Variants in EPHB1 observed in about 807,000 individuals in gnomAD.
EPHB1 encodes EPH receptor B1, also known as ephrin type-B receptor 1.
In EPHB1, 30 loss-of-function variants were observed where a neutral mutation model predicts 94.4. That is an observed-to-expected ratio of 0.32 (90% CI 0.24 to 0.43). The LOEUF (loss-of-function observed/expected upper bound fraction) is 0.43. Among genes scored for constraint, EPHB1 ranks in the 20% least tolerant of loss-of-function variants. EPHB1 has a pLI of 1.00. For missense variants in EPHB1, 1,055 were observed against 1,308.3 expected, an observed-to-expected ratio of 0.81 and a Z score of 2.99; for synonymous variants, 522 against 489.1, an observed-to-expected ratio of 1.07 and a Z score of -0.89.
intron 12 of EPHB1, among the ~76,000 whole-genome samples, chr3:135,217,467 C>CAT (rs893564865): frequency 2.7e-5 from 3 of 110,144 alleles, no homozygotes; most frequent in Non-Finnish European, 5.8e-5. Flanking sequence ...CACACACACA[C>CAT]GCACACGGGG....
rs554771678 is a variant in EPHB1, at chr3:135,223,979, C to T, written c.2347-17169C>T. Reference sequence around the variant, plus strand: ...TGCCATATAATGATGTTTTGGTCAGCGACAAATCACATATACAATGCTGCT... The same window carrying T: ...TGCCATATAATGATGTTTTGGTCAGTGACAAATCACATATACAATGCTGCT... On this transcript the variant is annotated intron_variant, in intron 12 of 15. Transcript: ENST00000398015. Among the ~76,000 whole-genome samples, 35 of 152,206 alleles carry T rather than the reference C, an allele frequency of 2.3e-4. 1 individual carries two copies. In the South Asian group the frequency reaches 5.6e-3, roughly 24 times the overall value.
At chr3:135,146,818 A>T (rs1258181890) in intron 5 of EPHB1, among the ~76,000 whole-genome samples, 1 of 152,222 alleles carries the variant, frequency 6.6e-6, no homozygotes, top group African/African-American at 2.4e-5. Context: ...TACCTTGGGG[A>T]ATGATGCCCA....
At chr3:135,244,955 C>T (rs186844561) in intron 13 of EPHB1, among the ~76,000 whole-genome samples, 1 of 152,244 alleles carries the variant, frequency 6.6e-6, no homozygotes, top group Admixed American at 6.5e-5. Flanking sequence ...GTAATAACAA[C>T]AAAATTATTT....
At chr3:134,817,883 G>A (rs909646079) in intron 1 of EPHB1, among the ~76,000 whole-genome samples, 1 of 152,224 alleles carries the variant, frequency 6.6e-6, no homozygotes, top group Non-Finnish European at 1.5e-5. Flanking sequence ...CTGCCCAGAG[G>A]GGGAAAGCGC....
chr3:135,141,517 G>A (rs1309261507), intron 5 of EPHB1, among the ~76,000 whole-genome samples: 17 of 152,044 alleles, frequency 1.1e-4, no homozygotes, highest in Admixed American at 1.1e-3. Flanking sequence ...CCAGCGGGCT[G>A]GTCTTTGTTT....
chr3:134,943,535 G>A (rs2039161207), intron 2 of EPHB1, among the ~76,000 whole-genome samples: 1 of 152,138 alleles, frequency 6.6e-6, no homozygotes, highest in African/African-American at 2.4e-5. Context: ...AACTTGGGGA[G>A]CATTTTTGGC....
intron 1 of EPHB1, among the ~76,000 whole-genome samples, chr3:134,875,257 T>G (rs1004489672): frequency 1.3e-5 from 2 of 152,204 alleles, no homozygotes; most frequent in Non-Finnish European, 2.9e-5. Flanking sequence ...GATCTCTTTC[T>G]ATTTGAATCA....
intron 3 of EPHB1, among the ~76,000 whole-genome samples, chr3:134,975,879 G>A (rs1347852232): frequency 6.6e-6 from 1 of 151,944 alleles, no homozygotes; most frequent in East Asian, 1.9e-4. Context: ...CTGGAGATGA[G>A]GCCAGACATA....
intron 1 of EPHB1, among the ~76,000 whole-genome samples, chr3:134,821,350 C>T (rs924540050): frequency 4.6e-5 from 7 of 151,210 alleles, no homozygotes; most frequent in Admixed American, 4.0e-4. Context: ...GTCATGTTGA[C>T]ACATAAAGTT....
intron 4 of EPHB1, among the ~76,000 whole-genome samples, chr3:135,124,300 A>T (rs1195736337): frequency 6.6e-6 from 1 of 151,612 alleles, no homozygotes; most frequent in Non-Finnish European, 1.5e-5. Flanking sequence ...CCACACCAGC[A>T]TGCTGTCTCC....
At chr3:135,113,725 A>G (rs563625028) in intron 4 of EPHB1, among the ~76,000 whole-genome samples, 22 of 152,302 alleles carry the variant, frequency 1.4e-4, no homozygotes, top group African/African-American at 5.3e-4. Flanking sequence ...CAGGCCAGTG[A>G]TTTTAATGCT....
chr3:135,150,699 C>T (rs1290846830), intron 5 of EPHB1, among the ~76,000 whole-genome samples: 1 of 152,154 alleles, frequency 6.6e-6, no homozygotes, highest in Non-Finnish European at 1.5e-5. Flanking sequence ...TTCTCCTCAT[C>T]TTCTGAATCT....
chr3:135,231,871 A>T (rs962044893), intron 12 of EPHB1, among the ~76,000 whole-genome samples: 1 of 152,162 alleles, frequency 6.6e-6, no homozygotes, highest in Non-Finnish European at 1.5e-5. Flanking sequence ...TCAAGTTTTC[A>T]TTCTCTGTAT....
intron 6 of EPHB1, among the ~76,000 whole-genome samples, chr3:135,157,724 T>G (rs1274519934): frequency 2.0e-5 from 3 of 152,256 alleles, no homozygotes; most frequent in Admixed American, 6.5e-5. Flanking sequence ...TTGCTTTGAC[T>G]ATTCCTAAGA....
intron 3 of EPHB1, among the ~76,000 whole-genome samples, chr3:135,020,916 T>C (rs1020425592): frequency 2.6e-5 from 4 of 152,296 alleles, no homozygotes; most frequent in Middle Eastern, 3.4e-3. Flanking sequence ...AATTTTTTTT[T>C]CCCAATAGTC....
At chr3:135,123,560 T>G (rs2107683967) in intron 4 of EPHB1, among the ~76,000 whole-genome samples, 1 of 152,132 alleles carries the variant, frequency 6.6e-6, no homozygotes, top group African/African-American at 2.4e-5. Context: ...CAGGGAGCCC[T>G]TTTGGTCACC....
intron 2 of EPHB1, among the ~76,000 whole-genome samples, chr3:134,944,299 C>T (rs1182042075): frequency 1.3e-5 from 2 of 152,092 alleles, no homozygotes; most frequent in African/African-American, 4.8e-5. Context: ...ACTAGTACTT[C>T]ATTCTTTTTT....
intron 1 of EPHB1, among the ~76,000 whole-genome samples, chr3:134,907,815 G>A (rs1307604696): frequency 6.6e-6 from 1 of 152,202 alleles, no homozygotes; most frequent in East Asian, 1.9e-4. Context: ...GTCATTGACT[G>A]ATTGCATTTC....
intron 10 of EPHB1, among the ~76,000 whole-genome samples, chr3:135,183,762 G>A (rs1319584049): frequency 1.3e-5 from 2 of 152,180 alleles, no homozygotes; most frequent in African/African-American, 4.8e-5. Flanking sequence ...GAGAACAAGG[G>A]GAAAGAAAGT....
Sources: allele counts gnomAD v4.1 joint callset (sites outside exome capture counted in the v4.1 genomes callset), GRCh38; gene constraint gnomAD v4.1.1; transcripts MANE v1.5; gene names NCBI Gene and HGNC (gene_info 2026-07-23, HGNC 2026-07-21).